NPLOC4: variants seen among roughly 807,000 people sequenced by gnomAD.
NPLOC4 encodes the protein NPL4 homolog, ubiquitin recognition factor, also known as nuclear protein localization protein 4 homolog.
A neutral mutation model predicts 80.6 loss-of-function variants in NPLOC4; 18 were observed. That is an observed-to-expected ratio of 0.22 (90% confidence interval 0.15 to 0.33). NPLOC4 has a LOEUF of 0.33. NPLOC4 is among the 10% of genes least tolerant of loss of function. NPLOC4 has a pLI of 1.00. For synonymous variants in NPLOC4, 313 were observed against 301.5 expected (o/e 1.04, Z -0.39); for missense variants, 540 against 786.1 (o/e 0.69, Z 3.74).
intron 12 of NPLOC4, among the ~76,000 whole-genome samples, chr17:81,583,811 C>T (rs1285718000): frequency 1.3e-5 from 2 of 152,208 alleles, no homozygotes; most frequent in Non-Finnish European, 2.9e-5. Flanking sequence ...TCTACTCCCA[C>T]CCCATGTGTG....
chr17:81,593,614 T>C (rs1435633515), intron 11 of NPLOC4, among the ~76,000 whole-genome samples: 14 of 152,026 alleles, frequency 9.2e-5, no homozygotes. Context: ...TTGAGTCTGA[T>C]AGGCTTGGAA....
At chr17:81,569,220 T>G in intron 13 of NPLOC4, 109 bp from the exon 14 acceptor site, 1 of 683,666 alleles carries the variant, frequency 1.5e-6, no homozygotes, top group Non-Finnish European at 2.6e-6. Flanking sequence ...CTCCTAGCAA[T>G]TCTGAGAATG....
chr17:81,582,241 T>C (rs1339283814), intron 12 of NPLOC4, among the ~76,000 whole-genome samples: 1 of 152,178 alleles, frequency 6.6e-6, no homozygotes, highest in East Asian at 1.9e-4. Context: ...AAGCGAGCTG[T>C]GGCATGACGG....
intron 1 of NPLOC4, chr17:81,636,579 T>C: frequency 8.3e-6 from 2 of 239,704 alleles, no homozygotes; most frequent in Non-Finnish European, 1.6e-5. Context: ...TCCCTGGAAT[T>C]AGACCAGGAA....
Position 81,595,533 on chromosome 17 carries a change from TA to T in NPLOC4, c.1120+582del, listed in dbSNP as rs1460654319. 7.0e-3 allele frequency among the ~76,000 whole-genome samples: 645 copies of T among 92,168 alleles called. 9 individuals are homozygous for T. Among genetic ancestry groups the T allele is most frequent in the African/African-American group, 0.019 (499 of 26,134 alleles). The allele number at this position is 92,168 out of a possible 152,430, so 60.5% of individuals were successfully genotyped here. A position where few individuals can be genotyped will look rare whatever the true frequency, so the allele number is the denominator to read the frequency against. On this transcript the variant is annotated intron_variant, in intron 11 of 16. Transcript: ENST00000331134. ...ATATATACATATACATATATATATA[TA>T]TTTTTTTTTTCTTTTCTTTTCTTTT...
chr17:81,629,796 C>T lies in NPLOC4; in HGVS notation c.25G>A (p.Val9Ile). Residue 9 changes from valine to isoleucine, a missense_variant, in exon 2 of 17, where the codon GTC (valine) becomes ATC (isoleucine). Physicochemically the swap from Val to Ile is conservative, Grantham distance 29. This residue lies in a region of NPLOC4 where 62 missense variants were observed against 84.4 expected (regional missense o/e 0.73). Transcript: ENST00000331134. The part of the protein sequence containing the change: MAESIIIR[V>I]QSPDGVKRIT... ...CGCTTCACTCCATCCGGGGACTGGA[C>T]ACGAATTATCTGTTGCAAACAAAAC... 1 of 1,612,928 alleles carries T rather than the reference C, an allele frequency of 6.2e-7. No individual in the cohort carries two copies. The highest frequency in any genetic ancestry group is 1.1e-5 in the South Asian group (1 of 91,054).
chr17:81,624,375 G>A (rs150191556), intron 2 of NPLOC4, among the ~76,000 whole-genome samples: 9 of 152,242 alleles, frequency 5.9e-5, no homozygotes, highest in Admixed American at 2.0e-4. Flanking sequence ...CCAAGATGGC[G>A]CCATTGCACT....
intron 16 of NPLOC4, chr17:81,562,957 A>C (rs571267022): frequency 1.1e-5 from 1 of 87,132 alleles, no homozygotes. Context: ...AGGAGGGGGG[A>C]AAAAAAAAAG....
At chr17:81,630,644 G>A (rs2035904049) in intron 1 of NPLOC4, among the ~76,000 whole-genome samples, 2 of 152,184 alleles carry the variant, frequency 1.3e-5, no homozygotes, top group African/African-American at 4.8e-5. Context: ...CACTTTGGGA[G>A]GCCAAGGCGG....
intron 8 of NPLOC4, among the ~76,000 whole-genome samples, chr17:81,600,761 TAA>T (rs2035040191): frequency 6.6e-6 from 1 of 152,218 alleles, no homozygotes; most frequent in East Asian, 1.9e-4. Flanking sequence ...ATCAGGGAAT[TAA>T]GTTACTTTCA....
At chr17:81,629,089 AGGATGGTCTCAATCTCCTGACCTTGTG>A (rs754965194) in intron 2 of NPLOC4, among the ~76,000 whole-genome samples, 133 of 152,036 alleles carry the variant, frequency 8.7e-4, no homozygotes, top group Non-Finnish European at 9.1e-4. Context: ...CATGTTAGCC[AGGATGGTCTCAATCTCCTGACCTTGTG>A]ATCCGCCCGC....
rs558388430 is a variant in NPLOC4, at chr17:81,616,253, G to A, written c.210-2759C>T. On this transcript the variant is annotated intron_variant, in intron 3 of 16. Coordinates refer to ENST00000331134, the MANE Select transcript of NPLOC4 (RefSeq NM_017921.4). ...GGAGAATGGCATGAACCCAGGAGGC[G>A]GAGCTTGCAGTGAGCTGAGATCGCA... Among the ~76,000 whole-genome samples, 349 of 147,154 alleles carry A rather than the reference G, an allele frequency of 2.4e-3. 3 individuals carry two copies. Among genetic ancestry groups the A allele is most frequent in the African/African-American group, 8.6e-3 (336 of 39,276 alleles).
chr17:81,616,319 TCA>T (rs2035484134), intron 3 of NPLOC4, among the ~76,000 whole-genome samples: 1 of 25,606 alleles, frequency 3.9e-5, no homozygotes, highest in African/African-American at 3.8e-4. Flanking sequence ...AGACTCTGTC[TCA>T]AAAAAAAAAA....
rs192634894 is a variant in NPLOC4, at chr17:81,619,307, G to A, written c.209+2859C>T. On this transcript the variant is annotated intron_variant, in intron 3 of 16. Coordinates refer to ENST00000331134, the MANE Select transcript of NPLOC4 (RefSeq NM_017921.4). ...CAGGAGAATGGCATGAACCCGGGAG[G>A]TGGAGCTTGCAGTGAGCTGAAATCG... Among the ~76,000 whole-genome samples, 345 of 152,166 alleles carry A rather than the reference G, an allele frequency of 2.3e-3. 1 individual carries two copies. The highest frequency in any genetic ancestry group is 3.9e-3 in the Non-Finnish European group (268 of 67,984).
At chr17:81,586,727 T>G (rs2034590414) in intron 12 of NPLOC4, among the ~76,000 whole-genome samples, 1 of 152,186 alleles carries the variant, frequency 6.6e-6, no homozygotes, top group Non-Finnish European at 1.5e-5. Context: ...CTCCCAGCCT[T>G]TCAGGGCCAA....
At chr17:81,629,959 G>A (rs373335865) in intron 1 of NPLOC4, 154 bp from the exon 2 acceptor site, 12 of 604,602 alleles carry the variant, frequency 2.0e-5, no homozygotes, top group Non-Finnish European at 3.0e-6. Context: ...AATCCTTCTA[G>A]AATATGATGC....
rs185425158 is a variant in NPLOC4 at position 81,581,262 on chromosome 17, T to C, written c.1281+7682A>G. Among the ~76,000 whole-genome samples the C allele has an allele frequency of 6.0e-3, 891 of 147,628 alleles. 10 individuals carry two copies. The highest frequency in any genetic ancestry group is 0.021 in the African/African-American group (828 of 39,618). ...AGCTACTTGGGAGGCTGAGGCAGGATTGCTTGAACCTGGGAGGCGGAGGTT... is the reference window on the plus strand; with the variant it reads ...AGCTACTTGGGAGGCTGAGGCAGGACTGCTTGAACCTGGGAGGCGGAGGTT... On this transcript the variant is annotated intron_variant, in intron 12 of 16. Transcript: ENST00000331134.
At chr17:81,633,670 T>C (rs188593753) in intron 1 of NPLOC4, among the ~76,000 whole-genome samples, 32 of 152,266 alleles carry the variant, frequency 2.1e-4, no homozygotes, top group African/African-American at 7.7e-4. Context: ...CTTGGGGAAG[T>C]TGAAGAACTG....
intron 11 of NPLOC4, among the ~76,000 whole-genome samples, chr17:81,590,194 G>A (rs555109232): frequency 2.0e-5 from 3 of 152,300 alleles, no homozygotes; most frequent in South Asian, 4.1e-4. Context: ...GCCACTCCAC[G>A]GCCGTGGGCA....
Sources: gnomAD v4.1 joint callset for allele counts (sites outside exome capture counted in the v4.1 genomes callset) on GRCh38, gnomAD v4.1.1 for gene constraint, gnomAD v4.1.1 regional missense constraint, MANE v1.5 for transcripts, NCBI Gene and HGNC (gene_info 2026-07-23, HGNC 2026-07-21) for gene names.